The following PDE7A variants were observed in gnomAD, a reference collection of about 807,000 sequenced individuals.
PDE7A encodes high affinity 3',5'-cyclic-AMP phosphodiesterase 7A.
In PDE7A, 39 loss-of-function variants were observed where a neutral mutation model predicts 64.3. The ratio of observed to expected loss-of-function variants is 0.61; its 90% confidence interval spans 0.47 to 0.79. PDE7A has a LOEUF of 0.79. Among genes scored for constraint, PDE7A ranks in the 30% least tolerant of loss-of-function variants. The probability of loss-of-function intolerance (pLI) is 0.00; values close to 1 mark genes in which losing one functional copy is unlikely to be tolerated. For synonymous variants in PDE7A, 203 were observed against 206.8 expected, an observed-to-expected ratio of 0.98 and a Z score of 0.16; for missense variants, 470 against 582.8, an observed-to-expected ratio of 0.81 and a Z score of 1.99.
rs1255628396 is a variant in PDE7A at position 65,716,918 on chromosome 8, GTAGCCAC to G, written c.*2365_*2371del. On this transcript the variant is annotated 3_prime_UTR_variant, in exon 13 of 13. Transcript: ENST00000401827. ...CTCTATACCCACACTGTCCAATATG[GTAGCCAC>G]TAGCCACATGTGGATATTGGGTGCC... is the stretch of plus-strand genomic sequence containing the variant. Among the ~76,000 whole-genome samples the G allele has an allele frequency of 2.6e-5, 4 of 152,204 alleles. No individual in the cohort carries two copies. The highest frequency in any genetic ancestry group is 7.2e-5 in the African/African-American group (3 of 41,524).
At chr8:65,745,703 AG>A (rs1807642453) in intron 4 of PDE7A, among the ~76,000 whole-genome samples, 2 of 152,256 alleles carry the variant, frequency 1.3e-5, no homozygotes, top group Admixed American at 1.3e-4. Context: ...ATGAATGCAC[AG>A]GAAGGTTATG....
At chr8:65,761,471 C>A (rs80229839) in intron 3 of PDE7A, among the ~76,000 whole-genome samples, 1 of 152,206 alleles carries the variant, frequency 6.6e-6, no homozygotes, top group African/African-American at 2.4e-5. Context: ...CCACTTCCAT[C>A]AAGCCTGGAC....
Position 65,717,455 on chromosome 8 carries a change from A to C in PDE7A, c.*1835T>G, listed in dbSNP as rs1055065541. 2.6e-5 allele frequency: 4 copies of C among 152,348 alleles called. No individual in the cohort carries two copies. Among genetic ancestry groups the C allele is most frequent in the African/African-American group, 9.6e-5 (4 of 41,590 alleles). 9.4% of individuals were successfully genotyped at this position (152,348 alleles called of 1,614,324 possible). Reference sequence around the variant, plus strand: ...TGCAGTTCACCACTGTAGGAACAAAAGGCCTGGCTCAAAGCTGACCTCTCC... The same window carrying C: ...TGCAGTTCACCACTGTAGGAACAAACGGCCTGGCTCAAAGCTGACCTCTCC... On this transcript the variant is annotated 3_prime_UTR_variant, in exon 13 of 13. Coordinates refer to ENST00000401827, the MANE Select transcript of PDE7A (RefSeq NM_001242318.3).
intron 7 of PDE7A, among the ~76,000 whole-genome samples, chr8:65,733,498 G>C (rs1806992157): frequency 6.6e-6 from 1 of 152,026 alleles, no homozygotes; most frequent in Non-Finnish European, 1.5e-5. Flanking sequence ...GTGAGACCCT[G>C]TCTCTACAAA....
intron 5 of PDE7A, among the ~76,000 whole-genome samples, chr8:65,745,060 T>G (rs887620622): frequency 6.6e-6 from 1 of 152,160 alleles, no homozygotes; most frequent in Non-Finnish European, 1.5e-5. Context: ...GTTCTTGTGG[T>G]AGTGGATAAG....
rs1332546801 is a variant in PDE7A at position 65,841,602 on chromosome 8, C to G, written c.-94G>C. 2.6e-5 allele frequency: 14 copies of G among 541,558 alleles called. No homozygotes were observed. Among genetic ancestry groups the G allele is most frequent in the Non-Finnish European group, 3.6e-5 (14 of 392,648 alleles). 33.5% of individuals were successfully genotyped at this position (541,558 alleles called of 1,614,324 possible). ...GGGCCGCGGCTCGGGGGCTCCGGGCCGAGACGGGGGCAGGGCGGGCGGGGA... is the reference window on the plus strand; with the variant it reads ...GGGCCGCGGCTCGGGGGCTCCGGGCGGAGACGGGGGCAGGGCGGGCGGGGA... On this transcript the variant is annotated 5_prime_UTR_variant, in exon 1 of 13. Transcript: ENST00000401827.
At chr8:65,802,880 C>T (rs536770409) in intron 1 of PDE7A, among the ~76,000 whole-genome samples, 1 of 152,190 alleles carries the variant, frequency 6.6e-6, no homozygotes, top group East Asian at 1.9e-4. Flanking sequence ...CCGGGCCATC[C>T]CCTTGTTGAT....
chr8:65,838,430 A>C (rs1811000960), intron 1 of PDE7A: 1 of 152,242 alleles, frequency 6.6e-6, no homozygotes, highest in African/African-American at 2.4e-5. Flanking sequence ...CATTTGAAAT[A>C]GTATACATCC....
chr8:65,841,099 T>C (rs1175815438), intron 1 of PDE7A, among the ~76,000 whole-genome samples: 5 of 152,044 alleles, frequency 3.3e-5, no homozygotes, highest in Non-Finnish European at 7.4e-5. Flanking sequence ...TCCTGAGGCT[T>C]AAACTGCTGG....
intron 3 of PDE7A, among the ~76,000 whole-genome samples, chr8:65,751,875 C>T (rs1461894155): frequency 6.6e-6 from 1 of 152,156 alleles, no homozygotes; most frequent in Non-Finnish European, 1.5e-5. Context: ...ATTTTACAAC[C>T]TGTTCTGCAT....
At chr8:65,769,121 G>A (rs958346692) in intron 3 of PDE7A, among the ~76,000 whole-genome samples, 3 of 151,736 alleles carry the variant, frequency 2.0e-5, no homozygotes, top group Non-Finnish European at 4.4e-5. Flanking sequence ...GATGGCAGGC[G>A]CCTGTAATCC....
At chr8:65,832,642 G>A (rs1585956236) in intron 1 of PDE7A, among the ~76,000 whole-genome samples, 1 of 151,998 alleles carries the variant, frequency 6.6e-6, no homozygotes, top group African/African-American at 2.4e-5. Context: ...GTGTCACCAT[G>A]CCTGGCTAAT....
chr8:65,839,831 CCTTGGAAT>C (rs1380952338), intron 1 of PDE7A, among the ~76,000 whole-genome samples: 1 of 151,894 alleles, frequency 6.6e-6, no homozygotes, highest in Non-Finnish European at 1.5e-5. Context: ...CATTTTAATC[CCTTGGAAT>C]CTTCCTTCTC....
intron 3 of PDE7A, among the ~76,000 whole-genome samples, chr8:65,777,546 G>A (rs1385146973): frequency 1.3e-5 from 2 of 152,040 alleles, no homozygotes; most frequent in Admixed American, 6.6e-5. Context: ...ATTCATGAGC[G>A]ATTTGGCTGT....
intron 3 of PDE7A, among the ~76,000 whole-genome samples, chr8:65,758,296 A>C (rs762570554): frequency 9.2e-5 from 14 of 152,238 alleles, no homozygotes; most frequent in Non-Finnish European, 1.9e-4. Flanking sequence ...AAGGCTTAAA[A>C]ATACAGTTAT....
At chr8:65,792,780 C>T (rs542019722) in intron 1 of PDE7A, among the ~76,000 whole-genome samples, 13 of 151,882 alleles carry the variant, frequency 8.6e-5, no homozygotes, top group Non-Finnish European at 1.6e-4. Context: ...TACTAAAAAC[C>T]AAGGCTTATT....
intron 1 of PDE7A, among the ~76,000 whole-genome samples, chr8:65,791,352 G>C (rs941611536): frequency 4.6e-5 from 7 of 152,136 alleles, no homozygotes; most frequent in African/African-American, 1.7e-4. Flanking sequence ...GAGGTAAGTG[G>C]TATCTATAAA....
At chr8:65,788,426 T>A (rs894807369) in intron 1 of PDE7A, among the ~76,000 whole-genome samples, 3 of 152,172 alleles carry the variant, frequency 2.0e-5, no homozygotes, top group Non-Finnish European at 4.4e-5. Flanking sequence ...TAGCAAGACC[T>A]TAGGAGAAAA....
In PDE7A at chr8:65,747,647, C is replaced by T. The variant is rs1807738265; in HGVS notation, c.435+5G>A. 1.3e-6 allele frequency: 2 copies of T among 1,582,612 alleles called. No individual in the cohort carries two copies. The highest frequency in any genetic ancestry group is 1.4e-5 in the African/African-American group (1 of 73,452). On this transcript the variant is annotated splice_donor_5th_base_variant and intron_variant, in intron 4 of 12. Coordinates refer to ENST00000401827, the MANE Select transcript of PDE7A (RefSeq NM_001242318.3). ...TTAATGTTTTCTTAAAAAAACTATA[C>T]ACACCTTGGCTTGTCCATTATAATC...
Sources: gnomAD v4.1 joint callset for allele counts (sites outside exome capture counted in the v4.1 genomes callset) on GRCh38, gnomAD v4.1.1 for gene constraint, MANE v1.5 for transcripts, NCBI Gene and HGNC (gene_info 2026-07-23, HGNC 2026-07-21) for gene names.